The following TRMT9B variants were observed in gnomAD, a reference collection of about 807,000 sequenced individuals.
TRMT9B encodes tRNA methyltransferase 9B (putative), also known as probable tRNA methyltransferase 9B.
TRMT9B carries 16 observed loss-of-function variants against 11.5 expected under a neutral mutation model. That is an observed-to-expected ratio of 1.39 (90% confidence interval 0.94 to 2.11). TRMT9B has a LOEUF of 2.11. TRMT9B is among the 30% of genes most tolerant of loss of function. The pLI, the probability that TRMT9B is intolerant of heterozygous loss-of-function variation, is 0.00. For synonymous variants in TRMT9B, 274 were observed against 192.4 expected, an observed-to-expected ratio of 1.42 and a Z score of -3.51; for missense variants, 941 against 553.8, an observed-to-expected ratio of 1.70 and a Z score of -7.02.
intron 2 of TRMT9B, among the ~76,000 whole-genome samples, chr8:13,002,382 T>C (rs951773124): frequency 3.3e-5 from 5 of 152,198 alleles, no homozygotes; most frequent in African/African-American, 1.2e-4. Context: ...TCTACTGAGA[T>C]TTTGATTTAA....
intron 3 of TRMT9B, 146 bp from the exon 4 acceptor site, chr8:13,012,538 G>T (rs1811825760): frequency 6.6e-6 from 7 of 1,055,878 alleles, no homozygotes; most frequent in Admixed American, 3.1e-5. Context: ...TTGCGCCACT[G>T]CACTCCAGCC....
intron 1 of TRMT9B, chr8:12,970,285 T>A (rs570884463): frequency 1.3e-5 from 2 of 152,372 alleles, no homozygotes; most frequent in East Asian, 3.9e-4. Flanking sequence ...CTTTTGGTCC[T>A]GTTTTTTATG....
intron 3 of TRMT9B, chr8:13,006,692 G>C: frequency 5.3e-6 from 7 of 1,312,856 alleles, no homozygotes; most frequent in Non-Finnish European, 6.8e-6. Context: ...TTTTGAGATG[G>C]AGTTTCACTC....
chr8:12,966,046 C>T (rs1802766548), intron 1 of TRMT9B, among the ~76,000 whole-genome samples: 1 of 151,260 alleles, frequency 6.6e-6, no homozygotes, highest in South Asian at 2.1e-4. Flanking sequence ...CACTCCATGG[C>T]CAGGCATGGT....
chr8:13,006,611 A>G, intron 3 of TRMT9B: 2 of 1,387,350 alleles, frequency 1.4e-6, no homozygotes, highest in Non-Finnish European at 1.9e-6. Flanking sequence ...TTCATTTTAC[A>G]GCAGAAACTC....
chr8:12,972,266 C>T (rs1410805675), intron 1 of TRMT9B, among the ~76,000 whole-genome samples: 3 of 152,134 alleles, frequency 2.0e-5, no homozygotes, highest in African/African-American at 4.8e-5. Context: ...GACGAGGGGT[C>T]CCCAGAGCTG....
At chr8:12,972,626 G>A (rs1156676970) in intron 1 of TRMT9B, among the ~76,000 whole-genome samples, 1 of 152,100 alleles carries the variant, frequency 6.6e-6, no homozygotes, top group Admixed American at 6.5e-5. Context: ...TAAACTAGCA[G>A]TGCTGTTTAC....
intron 1 of TRMT9B, among the ~76,000 whole-genome samples, chr8:12,955,942 G>A (rs895488393): frequency 1.3e-5 from 2 of 152,170 alleles, no homozygotes; most frequent in African/African-American, 4.8e-5. Context: ...CATCAAGGGT[G>A]CACCTTTTGG....
chr8:12,962,263 G>C (rs559092738), intron 1 of TRMT9B: 1 of 152,214 alleles, frequency 6.6e-6, no homozygotes, highest in Non-Finnish European at 1.5e-5. Flanking sequence ...AAAAGGCTGT[G>C]TAGACACACC....
rs578198371 is a variant in TRMT9B, at chr8:12,991,846, G to T, written c.-2+815G>T. Among the ~76,000 whole-genome samples, 12 of 152,254 alleles carry T rather than the reference G, an allele frequency of 7.9e-5. No individual in the cohort carries two copies. In the East Asian group the frequency reaches 1.9e-3, roughly 25 times the overall value. On this transcript the variant is annotated intron_variant, in intron 2 of 4. Transcript: ENST00000524591. ...CTCGGGAGGCTGGGTTAGGAGAATT[G>T]CTTGAACCCAGGAGGTGGAGGTTGC... is the stretch of plus-strand genomic sequence containing the variant.
At chr8:12,982,927 C>G (rs1805653802) in intron 1 of TRMT9B, among the ~76,000 whole-genome samples, 1 of 152,196 alleles carries the variant, frequency 6.6e-6, no homozygotes, top group Non-Finnish European at 1.5e-5. Context: ...GTTTTCCTCG[C>G]ATGCCCAGAT....
intron 3 of TRMT9B, among the ~76,000 whole-genome samples, chr8:13,007,965 G>C (rs1469963770): frequency 1.3e-5 from 2 of 152,168 alleles, no homozygotes; most frequent in Non-Finnish European, 2.9e-5. Context: ...AGAATATACA[G>C]TTGATTGCCA....
intron 2 of TRMT9B, among the ~76,000 whole-genome samples, chr8:13,000,414 T>C (rs1391006575): frequency 6.6e-6 from 1 of 152,196 alleles, no homozygotes. Context: ...CTAACTCTCC[T>C]GTTAGTTTTC....
At chr8:13,020,308 C>T (rs933102172) in intron 4 of TRMT9B, among the ~76,000 whole-genome samples, 1 of 152,200 alleles carries the variant, frequency 6.6e-6, no homozygotes, top group Non-Finnish European at 1.5e-5. Context: ...CAGACTAGCA[C>T]TTTTATTGGC....
intron 1 of TRMT9B, among the ~76,000 whole-genome samples, chr8:12,964,208 G>A (rs1802512247): frequency 1.3e-5 from 2 of 152,098 alleles, no homozygotes; most frequent in South Asian, 4.2e-4. Context: ...ATATTGTATT[G>A]CATCTTTTTG....
At chr8:12,989,337 C>T (rs543606906) in intron 1 of TRMT9B, among the ~76,000 whole-genome samples, 2 of 152,242 alleles carry the variant, frequency 1.3e-5, no homozygotes, top group East Asian at 3.9e-4. Context: ...CTATCTTTGC[C>T]CAGTAACTTC....
At chr8:13,000,121 G>C (rs1428014715) in intron 2 of TRMT9B, among the ~76,000 whole-genome samples, 1 of 152,170 alleles carries the variant, frequency 6.6e-6, no homozygotes, top group Non-Finnish European at 1.5e-5. Flanking sequence ...GACCCAGGCT[G>C]ATGCCTCCAG....
intron 4 of TRMT9B, among the ~76,000 whole-genome samples, chr8:13,019,066 A>T (rs1813333332): frequency 6.6e-6 from 1 of 152,186 alleles, no homozygotes; most frequent in Non-Finnish European, 1.5e-5. Context: ...TTCGTCAGTG[A>T]ATGACCATGA....
intron 1 of TRMT9B, among the ~76,000 whole-genome samples, chr8:12,981,634 C>G (rs572064521): frequency 6.6e-6 from 1 of 151,972 alleles, no homozygotes; most frequent in East Asian, 1.9e-4. Flanking sequence ...GGGTCTCGCT[C>G]TATTGCCCAG....
Sources: gnomAD v4.1 joint callset for allele counts (sites outside exome capture counted in the v4.1 genomes callset) on GRCh38, gnomAD v4.1.1 for gene constraint, MANE v1.5 for transcripts, NCBI Gene and HGNC (gene_info 2026-07-23, HGNC 2026-07-21) for gene names.